FNDC3A: variants seen among roughly 807,000 people sequenced by gnomAD.
FNDC3A encodes the protein fibronectin type-III domain-containing protein 3A.
In FNDC3A, 32 loss-of-function variants were observed where a neutral mutation model predicts 148.9. The observed-to-expected ratio is 0.21, with a 90% confidence interval of 0.16 to 0.29. The LOEUF is 0.29. FNDC3A is among the 10% of genes least tolerant of loss of function. The pLI, the probability that FNDC3A is intolerant of heterozygous loss-of-function variation, is 1.00. For missense variants in FNDC3A, 1,191 were observed against 1,452.8 expected, an observed-to-expected ratio of 0.82 and a Z score of 2.93; for synonymous variants, 472 against 473.6, an observed-to-expected ratio of 1.00 and a Z score of 0.04.
At chr13:49,071,850 T>C (rs1171495057) in intron 2 of FNDC3A, among the ~76,000 whole-genome samples, 2 of 152,106 alleles carry the variant, frequency 1.3e-5, no homozygotes, top group East Asian at 3.9e-4. Context: ...ACTTTGTTTC[T>C]ATTTGTTTTT....
At chr13:49,109,430 CTT>C (rs1880406747) in intron 3 of FNDC3A, among the ~76,000 whole-genome samples, 1 of 152,184 alleles carries the variant, frequency 6.6e-6, no homozygotes, top group Admixed American at 6.5e-5. Context: ...CCAAAATTCA[CTT>C]TCTTTCCACT....
intron 1 of FNDC3A, among the ~76,000 whole-genome samples, chr13:48,996,531 C>A (rs952070688): frequency 6.6e-6 from 1 of 152,098 alleles, no homozygotes; most frequent in Non-Finnish European, 1.5e-5. Context: ...TATTATAAGT[C>A]ATACAGAGAT....
At chr13:48,990,587 C>A (rs1479156491) in intron 1 of FNDC3A, among the ~76,000 whole-genome samples, 1 of 3,954 alleles carries the variant, frequency 2.5e-4, no homozygotes, top group African/African-American at 7.1e-4. Flanking sequence ...TCCTGTCTCT[C>A]CAAAAAAAAA....
intron 3 of FNDC3A, among the ~76,000 whole-genome samples, chr13:49,107,010 G>C (rs148634195): frequency 5.4e-4 from 82 of 152,218 alleles, no homozygotes; most frequent in African/African-American, 1.6e-3. Flanking sequence ...CAAAATTCAG[G>C]ATAATGGAGA....
chr13:49,148,611 G>C (rs1169507974), intron 8 of FNDC3A, among the ~76,000 whole-genome samples: 1 of 152,104 alleles, frequency 6.6e-6, no homozygotes. Context: ...CTATAGTCTT[G>C]CAGTATATTT....
At chr13:49,200,189 T>C (rs892358433) in intron 23 of FNDC3A, among the ~76,000 whole-genome samples, 4 of 152,354 alleles carry the variant, frequency 2.6e-5, no homozygotes, top group South Asian at 4.1e-4. Context: ...CAAGATTTAC[T>C]TTTCTGTGTT....
chr13:49,160,412 G>A (rs1394345090), intron 8 of FNDC3A, among the ~76,000 whole-genome samples: 2 of 152,278 alleles, frequency 1.3e-5, no homozygotes, highest in African/African-American at 2.4e-5. Context: ...GCATAGAGGT[G>A]TTTATAGTAT....
intron 8 of FNDC3A, among the ~76,000 whole-genome samples, chr13:49,152,709 CT>C (rs1441945787): frequency 1.3e-5 from 2 of 149,578 alleles, no homozygotes; most frequent in East Asian, 3.9e-4. Context: ...TGATATTCCC[CT>C]TCCTGTGTCC....
intron 23 of FNDC3A, among the ~76,000 whole-genome samples, chr13:49,200,943 A>AT (rs201228123): frequency 0.018 from 2,646 of 150,668 alleles, 36 homozygotes; most frequent in South Asian, 0.064. Flanking sequence ...TATTACCACT[A>AT]TTTTTTTTTC....
chr13:49,013,459 T>C (rs533269200), intron 2 of FNDC3A, among the ~76,000 whole-genome samples: 90 of 152,050 alleles, frequency 5.9e-4, no homozygotes, highest in Admixed American at 9.2e-4. Context: ...CATGTACATG[T>C]GTATACATAT....
chr13:49,187,741 C>CTT, intron 16 of FNDC3A: 8 of 902,312 alleles, frequency 8.9e-6, no homozygotes, highest in Admixed American at 2.7e-5. Flanking sequence ...TCACCAAGAC[C>CTT]TTTTTTTTTT....
At chr13:49,197,322 C>T (rs1159694729) in intron 20 of FNDC3A, among the ~76,000 whole-genome samples, 1 of 152,162 alleles carries the variant, frequency 6.6e-6, no homozygotes, top group Non-Finnish European at 1.5e-5. Flanking sequence ...TATATTTATC[C>T]AGTACACATC....
At chr13:49,184,561 A>G (rs1169502416) in intron 14 of FNDC3A, among the ~76,000 whole-genome samples, 1 of 152,126 alleles carries the variant, frequency 6.6e-6, no homozygotes, top group Non-Finnish European at 1.5e-5. Flanking sequence ...AATAGACCCA[A>G]AGTCAGCCGA....
chr13:49,098,782 C>G (rs1243706652), intron 3 of FNDC3A, among the ~76,000 whole-genome samples: 4 of 152,126 alleles, frequency 2.6e-5, no homozygotes, highest in Admixed American at 1.3e-4. Context: ...ATCCACAATT[C>G]TGAATCATAC....
chr13:48,982,656 C>G (rs1951714488), intron 1 of FNDC3A, among the ~76,000 whole-genome samples: 1 of 152,154 alleles, frequency 6.6e-6, no homozygotes, highest in Non-Finnish European at 1.5e-5. Context: ...CAATACAATT[C>G]CTGCTGCATT....
intron 2 of FNDC3A, among the ~76,000 whole-genome samples, chr13:49,062,620 C>T (rs1876975583): frequency 6.6e-6 from 1 of 152,176 alleles, no homozygotes; most frequent in African/African-American, 2.4e-5. Flanking sequence ...ATCTTGCAGA[C>T]TTCTGCTTGT....
At chr13:49,121,296 A>G (rs1043681199) in intron 4 of FNDC3A, among the ~76,000 whole-genome samples, 10 of 152,222 alleles carry the variant, frequency 6.6e-5, no homozygotes, top group African/African-American at 1.9e-4. Context: ...TTTGAAACCA[A>G]TGAGAACAAA....
At position 49,070,666 on chromosome 13, in the gene FNDC3A, G is replaced by C. The variant is rs941014291; in HGVS notation, c.100-4623G>C. Among the ~76,000 whole-genome samples, 57 of 152,120 alleles carry C rather than the reference G, an allele frequency of 3.7e-4. No individual in the cohort carries two copies. In the East Asian group the frequency reaches 9.9e-3, roughly 26 times the overall value. ...ATACTAGAACGTATTCTTTCTAACTGTAATTTTGTACCTATTAACTGATTT... is the reference window on the plus strand; with the variant it reads ...ATACTAGAACGTATTCTTTCTAACTCTAATTTTGTACCTATTAACTGATTT... On this transcript the variant is annotated intron_variant, in intron 2 of 25. Coordinates refer to ENST00000492622, the MANE Select transcript of FNDC3A (RefSeq NM_001079673.2).
At position 49,114,665 on chromosome 13, in the gene FNDC3A, G is replaced by C. The variant is rs140467232; in HGVS notation, c.186G>C (p.Gln62His). The C allele has an allele frequency of 6.2e-7, 1 of 1,611,898 alleles. No homozygotes were observed. The highest frequency in any genetic ancestry group is 8.5e-7 in the Non-Finnish European group (1 of 1,178,058). The change falls in exon 4 of 26, where the codon CAG becomes CAC. Residue 62 changes from glutamine (Q) to histidine (H), a missense_variant. Transcript: ENST00000492622. ...GQFQCITGPA[Q>H]VPMMSPNGSV... ...ATGTGACCCATTCAGGTCCTGCTCA[G>C]GTTCCAATGATGTCCCCAAATGGTT...
Sources: allele counts gnomAD v4.1 joint callset (sites outside exome capture counted in the v4.1 genomes callset), GRCh38; gene constraint gnomAD v4.1.1; transcripts MANE v1.5; gene names NCBI Gene and HGNC (gene_info 2026-07-23, HGNC 2026-07-21).